Variants in CNTNAP2 observed in about 807,000 individuals in gnomAD.
CNTNAP2 encodes contactin-associated protein-like 2.
Under a neutral mutation model 155.2 loss-of-function variants are expected in CNTNAP2, and 98 were observed. The observed-to-expected ratio is 0.63, with a 90% CI of 0.54 to 0.75. The LOEUF is 0.75. CNTNAP2 is among the 30% of genes least tolerant of loss of function. The pLI is 0.00. For synonymous variants in CNTNAP2, 651 were observed against 631.2 expected (o/e 1.03, Z -0.47); for missense variants, 1,727 against 1,688.1 (o/e 1.02, Z -0.40).
intron 9 of CNTNAP2, among the ~76,000 whole-genome samples, chr7:147,347,474 A>ATATATATATG (rs1183008162): frequency 2.2e-5 from 1 of 46,054 alleles, no homozygotes; most frequent in Non-Finnish European, 7.4e-5. Context: ...ATATATATAT[A>ATATATATATG]TGCATATATA....
chr7:147,351,741 CAG>C (rs1473879948), intron 9 of CNTNAP2, among the ~76,000 whole-genome samples: 1 of 151,732 alleles, frequency 6.6e-6, no homozygotes, highest in Admixed American at 6.6e-5. Context: ...GCAAGCGTCT[CAG>C]AGTGTTCTAT....
At chr7:146,925,282 T>G (rs1004123902) in intron 3 of CNTNAP2, among the ~76,000 whole-genome samples, 5 of 152,136 alleles carry the variant, frequency 3.3e-5, no homozygotes, top group African/African-American at 1.2e-4. Flanking sequence ...GAAAGTAAGT[T>G]TCAAAATGAG....
rs4725715 is a variant in CNTNAP2, at chr7:147,322,819, C to A, written c.1498+22529C>A. On this transcript the variant is annotated intron_variant, in intron 9 of 23. Coordinates refer to ENST00000361727, the MANE Select transcript of CNTNAP2 (RefSeq NM_014141.6). ...TTAGTCTTGGGAGGGTGTATGTGTCCAGGAATGTATCCATTTCTTCTAGAT... is the reference window on the plus strand; with the variant it reads ...TTAGTCTTGGGAGGGTGTATGTGTCAAGGAATGTATCCATTTCTTCTAGAT... Among the ~76,000 whole-genome samples the A allele has an allele frequency of 8.9e-3, 1,145 of 128,912 alleles. 36 individuals carry two copies. The highest frequency in any genetic ancestry group is 0.034 in the African/African-American group (1,082 of 31,600). 84.6% of individuals were successfully genotyped at this position (128,912 alleles called of 152,430 possible). A position where few individuals can be genotyped will look rare whatever the true frequency, so the allele number is the denominator to read the frequency against.
chr7:147,104,984 C>T (rs529493700), intron 4 of CNTNAP2, among the ~76,000 whole-genome samples: 1 of 148,188 alleles, frequency 6.7e-6, no homozygotes, highest in South Asian at 2.1e-4. Flanking sequence ...AGGATATGCA[C>T]CAGTTAAGTA....
At chr7:147,303,222 T>C (rs1243107733) in intron 9 of CNTNAP2, among the ~76,000 whole-genome samples, 2 of 152,216 alleles carry the variant, frequency 1.3e-5, no homozygotes, top group East Asian at 1.9e-4. Context: ...ACTACTGATA[T>C]CTCCTTTCTA....
At chr7:148,402,712 A>G (rs1212740087) in intron 22 of CNTNAP2, among the ~76,000 whole-genome samples, 2 of 152,182 alleles carry the variant, frequency 1.3e-5, no homozygotes, top group South Asian at 4.1e-4. Flanking sequence ...TAATGTTGCA[A>G]TTTAAATTAA....
intron 3 of CNTNAP2, among the ~76,000 whole-genome samples, chr7:146,930,865 T>C (rs1585164480): frequency 1.3e-5 from 2 of 151,624 alleles, no homozygotes; most frequent in South Asian, 2.1e-4. Flanking sequence ...GTAAAGGGAT[T>C]AATTCAACAA....
chr7:147,437,717 T>C (rs570382537), intron 10 of CNTNAP2, among the ~76,000 whole-genome samples: 5 of 152,176 alleles, frequency 3.3e-5, no homozygotes, highest in Non-Finnish European at 7.4e-5. Flanking sequence ...GATATTTTTC[T>C]ATTTCTGTAA....
chr7:146,331,319 A>AAAT (rs1554418077), intron 1 of CNTNAP2, among the ~76,000 whole-genome samples: 2 of 104,100 alleles, frequency 1.9e-5, no homozygotes, highest in African/African-American at 1.5e-4. Context: ...AAAAAAAAAT[A>AAAT]AAAATAACCA....
intron 10 of CNTNAP2, among the ~76,000 whole-genome samples, chr7:147,398,951 A>G (rs909331562): frequency 2.0e-5 from 3 of 151,956 alleles, no homozygotes; most frequent in African/African-American, 7.3e-5. Context: ...GCATGTCAGT[A>G]GATCAAGGTG....
At chr7:146,272,516 C>A (rs139631847) in intron 1 of CNTNAP2, among the ~76,000 whole-genome samples, 3 of 152,140 alleles carry the variant, frequency 2.0e-5, no homozygotes, top group African/African-American at 7.2e-5. Context: ...TACTCTGGCT[C>A]CCCGCTGGTA....
intron 1 of CNTNAP2, among the ~76,000 whole-genome samples, chr7:146,328,145 G>T (rs1431206475): frequency 2.6e-5 from 4 of 152,168 alleles, no homozygotes; most frequent in Non-Finnish European, 5.9e-5. Flanking sequence ...ATCAACGATG[G>T]CATTTAGATT....
At chr7:147,199,331 A>G (rs184333596) in intron 8 of CNTNAP2, among the ~76,000 whole-genome samples, 222 of 152,332 alleles carry the variant, frequency 1.5e-3, no homozygotes, top group African/African-American at 5.1e-3. Flanking sequence ...TCTAAGGGCT[A>G]TTAATTGAAT....
intron 1 of CNTNAP2, among the ~76,000 whole-genome samples, chr7:146,258,491 G>A (rs1379157430): frequency 6.6e-6 from 1 of 151,842 alleles, no homozygotes; most frequent in East Asian, 1.9e-4. Context: ...GTGTTATATT[G>A]TAAATAAAAA....
At chr7:147,296,978 T>C (rs1253983450) in intron 8 of CNTNAP2, among the ~76,000 whole-genome samples, 4 of 152,188 alleles carry the variant, frequency 2.6e-5, no homozygotes, top group Non-Finnish European at 4.4e-5. Context: ...GATGAAGAGA[T>C]ATACTTCATT....
chr7:147,666,136 CA>C (rs1398113267), intron 13 of CNTNAP2, among the ~76,000 whole-genome samples: 2 of 152,108 alleles, frequency 1.3e-5, no homozygotes, highest in Non-Finnish European at 2.9e-5. Flanking sequence ...TTACCTTTAG[CA>C]AAACAATCAG....
chr7:148,053,838 G>T (rs1427897713), intron 15 of CNTNAP2, among the ~76,000 whole-genome samples: 1 of 152,032 alleles, frequency 6.6e-6, no homozygotes, highest in African/African-American at 2.4e-5. Flanking sequence ...AATAATGAAG[G>T]CTAAAATACT....
chr7:146,142,331 A>G (rs946939961), intron 1 of CNTNAP2, among the ~76,000 whole-genome samples: 4 of 152,188 alleles, frequency 2.6e-5, no homozygotes, highest in Non-Finnish European at 2.9e-5. Context: ...CTTCGTGGAC[A>G]GCATGTGGAC....
intron 6 of CNTNAP2, among the ~76,000 whole-genome samples, chr7:147,125,074 G>A (rs1801206140): frequency 6.6e-6 from 1 of 151,788 alleles, no homozygotes; most frequent in South Asian, 2.1e-4. Flanking sequence ...TAGAGATGGG[G>A]TTTCACTGTG....
Sources: allele counts gnomAD v4.1 joint callset (sites outside exome capture counted in the v4.1 genomes callset), GRCh38; gene constraint gnomAD v4.1.1; transcripts MANE v1.5; gene names NCBI Gene and HGNC (gene_info 2026-07-23, HGNC 2026-07-21).